Variants in C5 observed in about 807,000 individuals in gnomAD.
The protein encoded by C5 is complement C5.
C5 carries 140 observed loss-of-function variants against 218.8 expected under a neutral mutation model. The ratio of observed to expected loss-of-function variants is 0.64; its 90% CI spans 0.56 to 0.74. The LOEUF (loss-of-function observed/expected upper bound fraction) is 0.74. Ranked by LOEUF, C5 falls within the 30% of genes least tolerant of loss-of-function variation. The pLI is 0.00. For synonymous variants in C5, 614 were observed against 682.3 expected (o/e 0.90, Z 1.56); for missense variants, 1,700 against 1,969.6 (o/e 0.86, Z 2.59).
In C5 at chr9:120,952,506, C is replaced by G. The variant is rs2046751577; in HGVS notation, c.*233G>C. 6.9e-6 allele frequency: 3 copies of G among 432,628 alleles called. No individual in the cohort carries two copies. Among genetic ancestry groups the G allele is most frequent in the South Asian group, 6.3e-5 (3 of 47,298 alleles). The allele number at this position is 432,628 out of a possible 1,614,324, so 26.8% of individuals were successfully genotyped here. ...TGTTCCAATTTATTGTTTCCGGTGT[C>G]CAATAACCTTGGAGGAGTATCTGTC... On this transcript the variant is annotated 3_prime_UTR_variant, in exon 41 of 41. Transcript: ENST00000223642.
intron 22 of C5, among the ~76,000 whole-genome samples, chr9:120,992,136 C>T (rs967408829): frequency 5.9e-5 from 9 of 152,184 alleles, no homozygotes; most frequent in African/African-American, 2.2e-4. Context: ...TGGCACTTAG[C>T]ACAGACCCTG....
At chr9:120,972,557 C>T (rs1444081464) in intron 30 of C5, among the ~76,000 whole-genome samples, 3 of 152,286 alleles carry the variant, frequency 2.0e-5, no homozygotes, top group African/African-American at 7.2e-5. Context: ...ACCACTAGCA[C>T]CCCACTCAAG....
chr9:121,063,757 T>G, the C5 span, among the ~76,000 whole-genome samples: 1 of 152,208 alleles, frequency 6.6e-6, no homozygotes, highest in South Asian at 2.1e-4. Context: ...TGCAGCAATA[T>G]CCAGAAAGGT....
intron 33 of C5, among the ~76,000 whole-genome samples, chr9:120,967,385 T>C (rs1408424037): frequency 6.6e-6 from 1 of 152,184 alleles, no homozygotes; most frequent in Non-Finnish European, 1.5e-5. Context: ...CTTTGGGTCT[T>C]AGTTTCTTCA....
chr9:121,010,580 C>A (rs1223992711), intron 17 of C5, among the ~76,000 whole-genome samples: 2 of 151,988 alleles, frequency 1.3e-5, no homozygotes, highest in African/African-American at 2.4e-5. Context: ...TCTACTGATT[C>A]AATGCAATCT....
At position 121,013,753 on chromosome 9, in the gene C5, C is replaced by T. The variant is rs1587978698; in HGVS notation, c.2257+120G>A. On this transcript the variant is annotated intron_variant, in intron 17 of 40. Coordinates refer to ENST00000223642, the MANE Select transcript of C5 (RefSeq NM_001735.3). ...GATTTTTTTTTCTTATGGACATTTA[C>T]AAGTTATCTTTTCTACTTTCAATTC... The T allele has an allele frequency of 4.0e-5, 38 of 941,668 alleles. 1 individual carries two copies. In the East Asian group the frequency reaches 9.1e-4, roughly 23 times the overall value. The allele number at this position is 941,668 out of a possible 1,614,324, so 58.3% of individuals were successfully genotyped here. A position where few individuals can be genotyped will look rare whatever the true frequency, so the allele number is the denominator to read the frequency against.
In C5 at chr9:121,043,015, G is replaced by A. The variant is rs765066896; in HGVS notation, c.410C>T (p.Pro137Leu). The change falls in exon 3 of 41, where the codon CCA becomes CTA. Residue 137 changes from proline (P) to leucine (L), a missense_variant. Transcript: ENST00000223642. ...ATCTTATAATCTACCTGACTGGTCTGGAGTATAAACAGGTTTGTCTGTATG... is the reference window on the plus strand; with the variant it reads ...ATCTTATAATCTACCTGACTGGTCTAGAGTATAAACAGGTTTGTCTGTATG... ...FIHTDKPVYTPDQSVKVRVYS... is the reference protein window; with the variant it reads ...FIHTDKPVYTLDQSVKVRVYS... 24 of 1,611,546 alleles carry A rather than the reference G, an allele frequency of 1.5e-5. No homozygotes were observed. Among genetic ancestry groups the A allele is most frequent in the Non-Finnish European group, 1.7e-5 (20 of 1,178,132 alleles).
chr9:121,060,607 ATTT>A, the C5 span, among the ~76,000 whole-genome samples: 1 of 151,574 alleles, frequency 6.6e-6, no homozygotes, highest in Admixed American at 6.6e-5. Context: ...AAATCTTTGA[ATTT>A]TTTTTTCCTT....
intron 9 of C5, among the ~76,000 whole-genome samples, chr9:121,024,537 C>G (rs2047402918): frequency 6.6e-6 from 1 of 152,010 alleles, no homozygotes; most frequent in Admixed American, 6.6e-5. Flanking sequence ...TATATTTTAG[C>G]CAAACTGGAT....
chr9:121,058,792 C>T, the C5 span, among the ~76,000 whole-genome samples: 1 of 152,122 alleles, frequency 6.6e-6, no homozygotes, highest in Admixed American at 6.5e-5. Context: ...AATTTATATC[C>T]CAGTCCACAC....
chr9:120,963,637 G>T lies in C5; in HGVS notation c.4322C>A (p.Ala1441Asp). 6.2e-7 allele frequency: 1 copy of T among 1,601,612 alleles called. No homozygotes were observed. The highest frequency in any genetic ancestry group is 8.6e-7 in the Non-Finnish European group (1 of 1,168,716). The change falls in exon 34 of 41, where the codon GCC becomes GAC. Residue 1441 changes from alanine (A) to aspartate (D), a missense_variant and splice_region_variant. Coordinates refer to ENST00000223642, the MANE Select transcript of C5 (RefSeq NM_001735.3). ...GISANEEDLK[A>D]LVEGVDQLFT... ...CACGATTTAAAAGAAAACACATACG[G>T]CTTTTAAGTCTTCTTCATTTGCACT...
In C5 at chr9:120,961,560, G is replaced by T; in HGVS notation, c.4510C>A (p.Gln1504Lys). Residue 1504 changes from glutamine to lysine, a missense_variant, in exon 37 of 41, where the codon CAG (glutamine) becomes AAG (lysine). Coordinates refer to ENST00000223642, the MANE Select transcript of C5 (RefSeq NM_001735.3). ...GAAGTGCTATAAAACATGGTACACT[G>T]TTTATCTGTGGCAACAAAAGTGTGG... ...TVYEYHRPDK[Q>K]CTMFYSTSNI... The T allele has an allele frequency of 6.2e-7, 1 of 1,606,760 alleles. No individual in the cohort carries two copies. The highest frequency in any genetic ancestry group is 8.5e-7 in the Non-Finnish European group (1 of 1,173,292).
chr9:121,007,008 A>T, intron 18 of C5, 31 bp from the exon 19 acceptor site: 1 of 1,515,260 alleles, frequency 6.6e-7, no homozygotes, highest in Non-Finnish European at 9.2e-7. Flanking sequence ...ATTCAAATAC[A>T]GTGGAATATT....
rs1223352343 is a variant in C5, at chr9:120,993,643, C to T, written c.2852-2363G>A. 3.9e-5 allele frequency among the ~76,000 whole-genome samples: 6 copies of T among 151,996 alleles called. No homozygotes were observed. In the South Asian group the frequency reaches 8.3e-4, roughly 21 times the overall value. On this transcript the variant is annotated intron_variant, in intron 22 of 40. Coordinates refer to ENST00000223642, the MANE Select transcript of C5 (RefSeq NM_001735.3). ...TTCACCGTTTTAGCCAGGATGGTCT[C>T]GATCTCCTGACCTCGTGATCCGCCC...
intron 2 of C5, among the ~76,000 whole-genome samples, chr9:121,043,387 G>C (rs990408360): frequency 2.0e-5 from 3 of 152,112 alleles, no homozygotes; most frequent in Non-Finnish European, 4.4e-5. Flanking sequence ...AAGTCTCTTT[G>C]GTTCCATGTT....
chr9:121,026,913 A>C (rs1412322945), intron 8 of C5, among the ~76,000 whole-genome samples: 1 of 152,162 alleles, frequency 6.6e-6, no homozygotes, highest in Non-Finnish European at 1.5e-5. Flanking sequence ...GACTTTGGTC[A>C]GTTAGAGAAA....
At chr9:121,064,940 T>C in the C5 span, among the ~76,000 whole-genome samples, 1 of 151,958 alleles carries the variant, frequency 6.6e-6, no homozygotes, top group South Asian at 2.1e-4. Context: ...TGGCGGTGCC[T>C]GTAATAAATA....
chr9:120,970,288 A>C (rs1290694135), intron 31 of C5, 37 bp from the exon 32 acceptor site: 2 of 1,372,464 alleles, frequency 1.5e-6, no homozygotes, highest in Non-Finnish European at 2.1e-6. Flanking sequence ...GATTCTATTT[A>C]AAGTGGGAAA....
At chr9:120,987,515 T>G (rs961708426) in intron 25 of C5, among the ~76,000 whole-genome samples, 2 of 150,878 alleles carry the variant, frequency 1.3e-5, no homozygotes, top group Admixed American at 6.6e-5. Flanking sequence ...GGTGCGCGCC[T>G]GTAATCCCAG....
Sources: allele counts gnomAD v4.1 joint callset (sites outside exome capture counted in the v4.1 genomes callset), GRCh38; gene constraint gnomAD v4.1.1; transcripts MANE v1.5; gene names NCBI Gene and HGNC (gene_info 2026-07-23, HGNC 2026-07-21).